Variants in PPP1R13L observed in about 807,000 individuals in gnomAD.
The protein encoded by PPP1R13L is relA-associated inhibitor.
PPP1R13L carries 50 observed loss-of-function variants against 80.9 expected under a neutral mutation model. That is an observed-to-expected ratio of 0.62 (90% CI 0.49 to 0.78). The LOEUF (loss-of-function observed/expected upper bound fraction) is 0.78. Among genes scored for constraint, PPP1R13L ranks in the 30% least tolerant of loss-of-function variants. PPP1R13L has a pLI of 0.00. For missense variants in PPP1R13L, 1,200 were observed against 1,205.9 expected (o/e 1.00, Z 0.07); for synonymous variants, 602 against 534.3 (o/e 1.13, Z -1.75).
At chr19:45,385,499 T>C (rs1471376719) in intron 11 of PPP1R13L, 63 bp downstream of exon 11, 29 of 1,483,168 alleles carry the variant, frequency 2.0e-5, no homozygotes, top group African/African-American at 5.6e-5. Context: ...AGGGGGTAGT[T>C]GCTCCCCTCC....
Position 45,380,098 on chromosome 19 carries a change from G to A in PPP1R13L, c.*92C>T. On this transcript the variant is annotated 3_prime_UTR_variant, in exon 13 of 13. Coordinates refer to ENST00000360957, the MANE Select transcript of PPP1R13L (RefSeq NM_006663.4). Reference sequence around the variant, plus strand: ...GACCACCACCAGCAGGGTGAGGGGTGCAGATAAAGGCAGCAAAAAACAGAG... The same window carrying A: ...GACCACCACCAGCAGGGTGAGGGGTACAGATAAAGGCAGCAAAAAACAGAG... The A allele has an allele frequency of 7.2e-7, 1 of 1,395,784 alleles. No individual in the cohort carries two copies. Among genetic ancestry groups the A allele is most frequent in the Non-Finnish European group, 1.0e-6 (1 of 988,632 alleles). 86.5% of individuals were successfully genotyped at this position (1,395,784 alleles called of 1,614,324 possible). A position where few individuals can be genotyped will look rare whatever the true frequency, so the allele number is the denominator to read the frequency against.
Position 45,396,249 on chromosome 19 carries a change from G to A in PPP1R13L, c.822C>T (p.Val274=), listed in dbSNP as rs750315271. Residue 274 remains valine, a synonymous_variant, in exon 6 of 13, where the codon GTC becomes GTT. Transcript: ENST00000360957. This position sits in a 1 kb window ranked among gnomAD's most constrained non-coding sequence, Gnocchi z 5.3. Reference sequence around the variant, plus strand: ...GGCTCGGCGAGGCAGGCCTTGCGAAGACGTCCAGGCCTGCGGGGCGGGAAT... The same window carrying A: ...GGCTCGGCGAGGCAGGCCTTGCGAAAACGTCCAGGCCTGCGGGGCGGGAAT... ...SQTASYERLD[V]FARPASPSLQ... is the part of the protein sequence containing the mutation. 1 of 1,611,136 alleles carries A rather than the reference G, an allele frequency of 6.2e-7. No individual in the cohort carries two copies. Among genetic ancestry groups the A allele is most frequent in the South Asian group, 1.1e-5 (1 of 90,930 alleles).
At chr19:45,400,622 T>G (rs1232784462) in intron 1 of PPP1R13L, among the ~76,000 whole-genome samples, 2 of 147,444 alleles carry the variant, frequency 1.4e-5, no homozygotes, top group African/African-American at 5.0e-5. Flanking sequence ...TTTTTTGAGA[T>G]AGGGTCTCGC....
intron 8 of PPP1R13L, among the ~76,000 whole-genome samples, chr19:45,390,310 A>G (rs1972946407): frequency 6.6e-6 from 1 of 152,148 alleles, no homozygotes; most frequent in African/African-American, 2.4e-5. Context: ...AAGACAGGAA[A>G]AAAAGGGAGA....
In PPP1R13L at chr19:45,384,366, C is replaced by CAAAAAA. The variant is rs770216477; in HGVS notation, c.2248+1190_2248+1195dup. 2.1e-3 allele frequency among the ~76,000 whole-genome samples: 189 copies of CAAAAAA among 91,262 alleles called. 1 individual carries two copies. Among genetic ancestry groups the CAAAAAA allele is most frequent in the African/African-American group, 7.1e-3 (154 of 21,566 alleles). 59.9% of individuals were successfully genotyped at this position (91,262 alleles called of 152,430 possible). On this transcript the variant is annotated intron_variant, in intron 11 of 12. Transcript: ENST00000360957. ...CAAAACCCCGTCTCTACTAAAAATA[C>CAAAAAA]AAAAAAAAAAAAAAAAAAAGTTAGC...
At chr19:45,382,961 C>T (rs1972793597) in intron 11 of PPP1R13L, among the ~76,000 whole-genome samples, 1 of 151,026 alleles carries the variant, frequency 6.6e-6, no homozygotes, top group Non-Finnish European at 1.5e-5. Flanking sequence ...CACCCACTCC[C>T]GAGGCAGGGT....
rs1265209311 is a variant in PPP1R13L, at chr19:45,401,072, G to A, written c.-21-2733C>T. ...ATTACAGGCGTGAGCCACCGCGCCC[G>A]GCCACCCAGCTAATTTTTTAAAAAC... On this transcript the variant is annotated intron_variant, in intron 1 of 12. Coordinates refer to ENST00000360957, the MANE Select transcript of PPP1R13L (RefSeq NM_006663.4). 8.1e-5 allele frequency among the ~76,000 whole-genome samples: 3 copies of A among 36,850 alleles called. 1 individual carries two copies. The highest frequency in any genetic ancestry group is 2.4e-3 in the South Asian group (2 of 836). 24.2% of individuals were successfully genotyped at this position (36,850 alleles called of 152,430 possible). A position where few individuals can be genotyped will look rare whatever the true frequency, so the allele number is the denominator to read the frequency against.
At chr19:45,391,445 C>A (rs928083081) in intron 8 of PPP1R13L, among the ~76,000 whole-genome samples, 1 of 152,202 alleles carries the variant, frequency 6.6e-6, no homozygotes, top group Non-Finnish European at 1.5e-5. Context: ...GTGGCCAAGA[C>A]TCCCAGATGG....
chr19:45,398,221 C>G (rs745787018), intron 2 of PPP1R13L, 43 bp downstream of exon 2: 5 of 1,613,170 alleles, frequency 3.1e-6, no homozygotes, highest in Non-Finnish European at 4.2e-6. Flanking sequence ...CGCCCGCTGC[C>G]GAGGTCCCCG....
rs1973056813 is a variant in PPP1R13L, at chr19:45,395,203, C to A, written c.1354+233G>T. On this transcript the variant is annotated intron_variant, in intron 7 of 12. Coordinates refer to ENST00000360957, the MANE Select transcript of PPP1R13L (RefSeq NM_006663.4). Reference sequence around the variant, plus strand: ...GCCCAGTGAGGTTAAGTGACTTGCCCAAGGTCACACAGCGTGGAACCAGGC... The same window carrying A: ...GCCCAGTGAGGTTAAGTGACTTGCCAAAGGTCACACAGCGTGGAACCAGGC... 6 of 571,804 alleles carry A rather than the reference C, an allele frequency of 1.0e-5. No individual in the cohort carries two copies. In the South Asian group the frequency reaches 1.3e-4, roughly 13 times the overall value. 35.4% of individuals were successfully genotyped at this position (571,804 alleles called of 1,614,324 possible).
intron 11 of PPP1R13L, among the ~76,000 whole-genome samples, chr19:45,383,897 G>A (rs571916760): frequency 2.8e-4 from 43 of 151,436 alleles, no homozygotes; most frequent in African/African-American, 1.0e-3. Context: ...AAGTAGCTGG[G>A]ACTACAGGCC....
chr19:45,380,851 GA>G (rs35317723), intron 12 of PPP1R13L, among the ~76,000 whole-genome samples: 2 of 142,618 alleles, frequency 1.4e-5, no homozygotes, highest in Non-Finnish European at 1.5e-5. Context: ...CACACACACA[GA>G]AAAAAAAAAC....
intron 8 of PPP1R13L, among the ~76,000 whole-genome samples, chr19:45,391,631 C>G (rs1452316102): frequency 6.6e-6 from 1 of 152,184 alleles, no homozygotes; most frequent in African/African-American, 2.4e-5. Context: ...GGAGGGCAGA[C>G]TTGGTGACAG....
At position 45,396,157 on chromosome 19, in the gene PPP1R13L, C is replaced by T. The variant is rs35525064; in HGVS notation, c.903+11G>A. 10,402 of 1,598,060 alleles carry T rather than the reference C, an allele frequency of 6.5e-3. 271 individuals are homozygous for T. Among genetic ancestry groups the T allele is most frequent in the African/African-American group, 0.046 (3,458 of 74,656 alleles). On this transcript the variant is annotated intron_variant, in intron 6 of 12. Transcript: ENST00000360957. The surrounding 1 kb of genome is among the most constrained non-coding windows in gnomAD (Gnocchi z 5.3). ...TCCCCAGCCTCTCCTCCCCAGGCGT[C>T]GCCTCCTCACCTTGCCGGTGCCCCC...
At position 45,392,120 on chromosome 19, in the gene PPP1R13L, G is replaced by T. The variant is rs1212441423; in HGVS notation, c.1575C>A (p.Gly525=). 2 of 1,566,058 alleles carry T rather than the reference G, an allele frequency of 1.3e-6. No individual in the cohort carries two copies. The highest frequency in any genetic ancestry group is 1.7e-6 in the Non-Finnish European group (2 of 1,154,304). Residue 525 remains glycine (G), a synonymous_variant, in exon 8 of 13, where the codon GGC becomes GGA. Coordinates refer to ENST00000360957, the MANE Select transcript of PPP1R13L (RefSeq NM_006663.4). Reference sequence around the variant, plus strand: ...CCACAGCAGGGGCCTGCTCCATGGAGCCCCTGCGTTTGAGGGGCCGGGGAA... The same window carrying T: ...CCACAGCAGGGGCCTGCTCCATGGATCCCCTGCGTTTGAGGGGCCGGGGAA... The part of the protein sequence containing the change: ...AEIPRPLKRR[G]SMEQAPAVAL...
chr19:45,380,312 CA>C, intron 12 of PPP1R13L, 84 bp from the exon 13 acceptor site: 1 of 1,535,744 alleles, frequency 6.5e-7, no homozygotes, highest in Admixed American at 1.7e-5. Context: ...TCTATCCTCC[CA>C]CCCCTTCCTA....
rs756669221 is a variant in PPP1R13L, at chr19:45,397,031, G to C, written c.226C>G (p.Pro76Ala). The C allele has an allele frequency of 1.2e-5, 16 of 1,357,568 alleles. No individual in the cohort carries two copies. Among genetic ancestry groups the C allele is most frequent in the African/African-American group, 1.5e-5 (1 of 66,402 alleles). The allele number at this position is 1,357,568 out of a possible 1,614,324, so 84.1% of individuals were successfully genotyped here. A position where few individuals can be genotyped will look rare whatever the true frequency, so the allele number is the denominator to read the frequency against. The change falls in exon 4 of 13, where the codon CCT (proline) becomes GCT (alanine). Residue 76 changes from proline to alanine, a missense_variant. Around this residue, in one of 5 missense-constraint regions of PPP1R13L, gnomAD observed 764 missense variants for 714.5 expected, o/e 1.07. Transcript: ENST00000360957. ...RPPRYSSSSI[P>A]EPFGSRGSPR... ...GACCCTCGGCTGCCGAAGGGCTCAG[G>C]GATCGAGCTGGAGCTGTACCGGGGC...
rs887299061 is a variant in PPP1R13L, at chr19:45,400,760, ATTTTTTTTTTTTT to A, written c.-21-2434_-21-2422del. On this transcript the variant is annotated intron_variant, in intron 1 of 12. Transcript: ENST00000360957. ...AGCCTCGCACCACCACACCCAGCTA[ATTTTTTTTTTTTT>A]TTTTTTTTTTTTTTTTTTTTTGAGA... Among the ~76,000 whole-genome samples the A allele has an allele frequency of 3.9e-4, 10 of 25,966 alleles. 1 individual carries two copies. The highest frequency in any genetic ancestry group is 5.8e-4 in the Non-Finnish European group (10 of 17,202). The allele number at this position is 25,966 out of a possible 152,430, so 17.0% of individuals were successfully genotyped here.
chr19:45,386,061 C>G lies in PPP1R13L; in HGVS notation c.1935G>C (p.Gln645His). The G allele has an allele frequency of 6.3e-7, 1 of 1,586,624 alleles. No homozygotes were observed. The highest frequency in any genetic ancestry group is 8.6e-7 in the Non-Finnish European group (1 of 1,169,570). Residue 645 changes from glutamine (Q) to histidine (H), a missense_variant, in exon 9 of 13, where the codon CAG (glutamine) becomes CAC (histidine). Transcript: ENST00000360957. ...CAGCAGCGCTCACCTCCTTCACCGC[C>G]TGCTGCACCACCTCCAGCTCCCCGG... ...ALTGELEVVQQAVKEMNDPSQ... is the reference protein window; with the variant it reads ...ALTGELEVVQHAVKEMNDPSQ...
Sources: allele counts gnomAD v4.1 joint callset (sites outside exome capture counted in the v4.1 genomes callset), GRCh38; gene constraint gnomAD v4.1.1; regional missense constraint gnomAD v4.1.1; non-coding constraint Gnocchi (gnomAD v3.1); transcripts MANE v1.5; gene names NCBI Gene and HGNC (gene_info 2026-07-23, HGNC 2026-07-21).